Variants in FHIT observed in about 807,000 individuals in gnomAD.
FHIT encodes the protein fragile histidine triad diadenosine triphosphatase.
FHIT carries 19 observed loss-of-function variants against 17.9 expected under a neutral mutation model. The observed-to-expected ratio is 1.06, with a 90% CI of 0.74 to 1.56. The LOEUF is 1.56. Among genes scored for constraint, FHIT ranks in the 40% most tolerant of loss-of-function variants. The probability of loss-of-function intolerance (pLI) is 0.00; values close to 1 mark genes in which losing one functional copy is unlikely to be tolerated. For missense variants in FHIT, 248 were observed against 189.2 expected, an observed-to-expected ratio of 1.31 and a Z score of -1.82; for synonymous variants, 81 against 69.7, an observed-to-expected ratio of 1.16 and a Z score of -0.81.
At chr3:60,966,383 T>G (rs1709744586) in intron 3 of FHIT, among the ~76,000 whole-genome samples, 1 of 152,216 alleles carries the variant, frequency 6.6e-6, no homozygotes, top group African/African-American at 2.4e-5. Flanking sequence ...CCCCTTGCAC[T>G]TCCCAGGTGA....
At position 60,110,227 on chromosome 3, in the gene FHIT, T is replaced by G. The variant is rs912873764; in HGVS notation, c.104-96075A>C. ...TAATTTGGAATTTTTGGGTTAAGCA[T>G]CAGGACATTTCATATCATGTAATAT... On this transcript the variant is annotated intron_variant, in intron 5 of 9. Transcript: ENST00000492590. Among the ~76,000 whole-genome samples the G allele has an allele frequency of 5.9e-5, 9 of 152,164 alleles. 1 individual carries two copies.
At chr3:60,748,978 C>G (rs1575475707) in intron 4 of FHIT, among the ~76,000 whole-genome samples, 1 of 152,112 alleles carries the variant, frequency 6.6e-6, no homozygotes, top group Non-Finnish European at 1.5e-5. Flanking sequence ...TTTTGATCCA[C>G]TGTTAATTGA....
chr3:60,755,117 A>G (rs1044138676), intron 4 of FHIT, among the ~76,000 whole-genome samples: 3 of 152,180 alleles, frequency 2.0e-5, no homozygotes, highest in East Asian at 3.9e-4. Context: ...AATCCTACCA[A>G]TACCTCAAGG....
At chr3:61,124,756 A>G (rs549454703) in intron 2 of FHIT, among the ~76,000 whole-genome samples, 8 of 152,258 alleles carry the variant, frequency 5.3e-5, no homozygotes, top group African/African-American at 1.9e-4. Context: ...ATAATCTCTA[A>G]TCCCTTTTCT....
At chr3:60,128,749 A>G (rs1042745505) in intron 5 of FHIT, among the ~76,000 whole-genome samples, 18 of 152,176 alleles carry the variant, frequency 1.2e-4, no homozygotes, top group Admixed American at 2.6e-4. Context: ...TGGATTGGAC[A>G]TAGAAATGAT....
intron 4 of FHIT, among the ~76,000 whole-genome samples, chr3:60,772,528 A>G (rs573824417): frequency 4.6e-5 from 7 of 152,246 alleles, no homozygotes; most frequent in African/African-American, 1.7e-4. Flanking sequence ...GATCTAGCCC[A>G]TCTGCCTCCT....
intron 8 of FHIT, among the ~76,000 whole-genome samples, chr3:59,777,393 G>A (rs975043837): frequency 2.0e-5 from 3 of 151,716 alleles, no homozygotes; most frequent in Admixed American, 1.3e-4. Flanking sequence ...AAAAACCCCT[G>A]ACTTGTAACT....
At chr3:59,870,328 C>A (rs1323378210) in intron 8 of FHIT, among the ~76,000 whole-genome samples, 2 of 152,204 alleles carry the variant, frequency 1.3e-5, no homozygotes, top group African/African-American at 4.8e-5. Context: ...TAAAGAAATT[C>A]ATCAACAGAC....
intron 5 of FHIT, among the ~76,000 whole-genome samples, chr3:60,260,090 G>C (rs1026110252): frequency 6.6e-6 from 1 of 152,104 alleles, no homozygotes; most frequent in African/African-American, 2.4e-5. Flanking sequence ...TTAAACGCCA[G>C]TGAACACTCA....
At chr3:60,192,619 A>G (rs1344174485) in intron 5 of FHIT, among the ~76,000 whole-genome samples, 2 of 152,202 alleles carry the variant, frequency 1.3e-5, no homozygotes, top group Admixed American at 1.3e-4. Context: ...TCCAAGTTCA[A>G]TTAGCAGAGT....
chr3:60,814,379 C>A (rs1575557780), intron 4 of FHIT, among the ~76,000 whole-genome samples: 1 of 152,126 alleles, frequency 6.6e-6, no homozygotes, highest in Non-Finnish European at 1.5e-5. Context: ...CTCTAGTAGT[C>A]CCCAGTGTCT....
chr3:61,060,564 G>A (rs897192993), intron 2 of FHIT, among the ~76,000 whole-genome samples: 1 of 152,230 alleles, frequency 6.6e-6, no homozygotes, highest in African/African-American at 2.4e-5. Context: ...CCTGTCATCT[G>A]TGTGTACTCC....
chr3:60,455,554 G>A (rs1298913600), intron 5 of FHIT, among the ~76,000 whole-genome samples: 1 of 152,074 alleles, frequency 6.6e-6, no homozygotes, highest in African/African-American at 2.4e-5. Flanking sequence ...ATAGTGGGTT[G>A]CTTGTTTATT....
At chr3:59,772,152 GATCTGCATTCACTA>G (rs1305191717) in intron 8 of FHIT, among the ~76,000 whole-genome samples, 1 of 152,158 alleles carries the variant, frequency 6.6e-6, no homozygotes, top group Non-Finnish European at 1.5e-5. Flanking sequence ...GTGCTTCGTT[GATCTGCATTCACTA>G]ATCTACATTC....
intron 5 of FHIT, among the ~76,000 whole-genome samples, chr3:60,024,135 C>T (rs143439887): frequency 1.4e-4 from 21 of 152,292 alleles, no homozygotes; most frequent in Admixed American, 1.4e-3. Flanking sequence ...ACTATTAACT[C>T]AGTGAAGCTT....
chr3:60,286,646 C>T (rs1707744360), intron 5 of FHIT, among the ~76,000 whole-genome samples: 1 of 152,110 alleles, frequency 6.6e-6, no homozygotes, highest in Non-Finnish European at 1.5e-5. Flanking sequence ...ACTATAGCAA[C>T]CATAATGAAA....
intron 5 of FHIT, among the ~76,000 whole-genome samples, chr3:60,417,608 C>A (rs1472376833): frequency 6.6e-6 from 1 of 152,142 alleles, no homozygotes; most frequent in African/African-American, 2.4e-5. Context: ...TGTTTTTATA[C>A]TGAATGTCAT....
chr3:61,188,420 T>A (rs1242924855), intron 2 of FHIT, among the ~76,000 whole-genome samples: 1 of 152,150 alleles, frequency 6.6e-6, no homozygotes, highest in African/African-American at 2.4e-5. Flanking sequence ...AAACAGGCTC[T>A]GAAATTGAGG....
At chr3:60,906,476 T>C (rs909457199) in intron 3 of FHIT, among the ~76,000 whole-genome samples, 4 of 152,204 alleles carry the variant, frequency 2.6e-5, no homozygotes, top group South Asian at 2.1e-4. Context: ...CCAGTAGCAA[T>C]GAACCCACCT....
Sources: allele counts gnomAD v4.1 joint callset (sites outside exome capture counted in the v4.1 genomes callset), GRCh38; gene constraint gnomAD v4.1.1; transcripts MANE v1.5; gene names NCBI Gene and HGNC (gene_info 2026-07-23, HGNC 2026-07-21).